The following NAT1 variants were observed in gnomAD, a reference collection of about 807,000 sequenced individuals.
The protein encoded by NAT1 is N-acetyltransferase 1.
For synonymous variants in NAT1, 144 were observed against 122.6 expected, an observed-to-expected ratio of 1.17 and a Z score of -1.16; for missense variants, 400 against 339.2, an observed-to-expected ratio of 1.18 and a Z score of -1.41.
rs1805473490 is a variant in NAT1, at chr8:18,222,765, A to G, written c.718A>G (p.Thr240Ala). ...TCACTGTTTGGTGGGCTTCACCCTC[A>G]CCCATAGGAGATTCAATTATAAGGA... ...GVHCLVGFTL[T>A]HRRFNYKDNT... Residue 240 changes from threonine (T) to alanine (A), a missense_variant, in exon 3 of 3, where the codon ACC (threonine) becomes GCC (alanine). Physicochemically the swap from Thr to Ala is moderately conservative, Grantham distance 58. Coordinates refer to ENST00000307719, the MANE Select transcript of NAT1 (RefSeq NM_000662.8). 8.1e-6 allele frequency: 13 copies of G among 1,613,592 alleles called. No homozygotes were observed. Among genetic ancestry groups the G allele is most frequent in the Non-Finnish European group, 1.1e-5 (13 of 1,179,880 alleles).
intron 1 of NAT1, among the ~76,000 whole-genome samples, chr8:18,216,301 G>T (rs1347640825): frequency 1.3e-5 from 2 of 152,094 alleles, no homozygotes; most frequent in African/African-American, 4.8e-5. Flanking sequence ...ATTTTCTATG[G>T]GTTGCCCTGA....
chr8:18,221,193 TC>T, intron 2 of NAT1, among the ~76,000 whole-genome samples: 1 of 152,320 alleles, frequency 6.6e-6, no homozygotes, highest in East Asian at 1.9e-4. Context: ...CAAGGCAGTT[TC>T]CAGCTTAAGG....
Position 18,223,093 on chromosome 8 carries a change from A to C in NAT1, c.*173A>C, listed in dbSNP as rs901797367. The stretch of plus-strand genomic sequence containing the variant: ...TAATTAAACAGCTTTTTAAAGAAAC[A>C]TAACCACAAACCTTTTCAAATAATA... On this transcript the variant is annotated 3_prime_UTR_variant, in exon 3 of 3. Coordinates refer to ENST00000307719, the MANE Select transcript of NAT1 (RefSeq NM_000662.8). 1 of 308,674 alleles carries C rather than the reference A, an allele frequency of 3.2e-6. No homozygotes were observed. The allele number at this position is 308,674 out of a possible 1,614,324, so 19.1% of individuals were successfully genotyped here. A position where few individuals can be genotyped will look rare whatever the true frequency, so the allele number is the denominator to read the frequency against.
chr8:18,178,079 G>C (rs1802360567), intron 2 of NAT1, among the ~76,000 whole-genome samples: 1 of 152,042 alleles, frequency 6.6e-6, no homozygotes, highest in Non-Finnish European at 1.5e-5. Flanking sequence ...CACATGATTG[G>C]AGTCATGGGA....
intron 2 of NAT1, among the ~76,000 whole-genome samples, chr8:18,189,755 G>T (rs1002889533): frequency 6.6e-6 from 1 of 152,100 alleles, no homozygotes; most frequent in African/African-American, 2.4e-5. Context: ...AGAGTTCTGT[G>T]GTTGTTGTTT....
At chr8:18,206,301 G>C (rs1320785859), upstream of NAT1, among the ~76,000 whole-genome samples, 1 of 152,164 alleles carries the variant, frequency 6.6e-6, no homozygotes, top group Non-Finnish European at 1.5e-5. Context: ...CCTTCTGTGT[G>C]TTCCCTCTGT....
intron 2 of NAT1, among the ~76,000 whole-genome samples, chr8:18,204,287 C>T (rs976468649): frequency 2.0e-5 from 3 of 152,124 alleles, no homozygotes; most frequent in African/African-American, 7.2e-5. Flanking sequence ...CCACACACAA[C>T]GAACGCCAGG....
intron 2 of NAT1, chr8:18,201,225 A>T (rs955843389): frequency 1.3e-5 from 2 of 152,220 alleles, no homozygotes; most frequent in African/African-American, 4.8e-5. Flanking sequence ...ATGAGTAATC[A>T]TAATTTAATG....
Position 18,222,772 on chromosome 8 carries a change from G to A in NAT1, c.725G>A (p.Arg242Lys), listed in dbSNP as rs1346325688. The change falls in exon 3 of 3, where the codon AGG (arginine) becomes AAG (lysine). Residue 242 changes from arginine (R) to lysine (K), a missense_variant. Coordinates refer to ENST00000307719, the MANE Select transcript of NAT1 (RefSeq NM_000662.8). ...TTGGTGGGCTTCACCCTCACCCATA[G>A]GAGATTCAATTATAAGGACAATACA... ...HCLVGFTLTH[R>K]RFNYKDNTDL... is the part of the protein sequence containing the mutation. The A allele has an allele frequency of 3.1e-6, 5 of 1,613,490 alleles. No individual in the cohort carries two copies. Among genetic ancestry groups the A allele is most frequent in the Non-Finnish European group, 8.5e-7 (1 of 1,179,870 alleles).
upstream of NAT1, among the ~76,000 whole-genome samples, chr8:18,209,559 T>A (rs1374349046): frequency 6.6e-6 from 1 of 152,116 alleles, no homozygotes; most frequent in East Asian, 1.9e-4. Context: ...AACACCAGCA[T>A]AAACAAAGCC....
intron 2 of NAT1, among the ~76,000 whole-genome samples, chr8:18,191,515 A>G (rs1802989516): frequency 6.6e-6 from 1 of 151,992 alleles, no homozygotes; most frequent in South Asian, 2.1e-4. Context: ...TGGAACCAAA[A>G]AAGAGCCCGC....
chr8:18,219,344 A>G (rs1234838310), intron 1 of NAT1, 67 bp from the exon 2 acceptor site: 1 of 1,104,008 alleles, frequency 9.1e-7, no homozygotes, highest in Admixed American at 2.3e-5. Flanking sequence ...ACGGTCTACA[A>G]AACTATTATT....
intron 2 of NAT1, among the ~76,000 whole-genome samples, chr8:18,183,360 G>A (rs1802599790): frequency 6.6e-6 from 1 of 152,162 alleles, no homozygotes; most frequent in Admixed American, 6.5e-5. Context: ...CATTCTGGCT[G>A]TGGTCCCCCA....
chr8:18,202,834 C>T (rs1424964221), intron 2 of NAT1, among the ~76,000 whole-genome samples: 3 of 152,158 alleles, frequency 2.0e-5, no homozygotes, highest in East Asian at 3.9e-4. Flanking sequence ...GGAAGGGGAC[C>T]CCAGCAGGTT....
At chr8:18,207,834 T>G (rs1050635207), upstream of NAT1, among the ~76,000 whole-genome samples, 1 of 152,204 alleles carries the variant, frequency 6.6e-6, no homozygotes, top group Non-Finnish European at 1.5e-5. Context: ...ATTGAAGCAC[T>G]ATTCACAATA....
intron 2 of NAT1, among the ~76,000 whole-genome samples, chr8:18,171,640 C>G (rs1802100144): frequency 6.6e-6 from 1 of 151,938 alleles, no homozygotes; most frequent in Non-Finnish European, 1.5e-5. Context: ...AAAAAAACCT[C>G]CAAAAGAAAA....
At chr8:18,196,788 GTTA>G (rs1803252502) in intron 2 of NAT1, among the ~76,000 whole-genome samples, 1 of 152,146 alleles carries the variant, frequency 6.6e-6, no homozygotes, top group South Asian at 2.1e-4. Context: ...AAAGAGGAAG[GTTA>G]TTAAAGGATA....
intron 2 of NAT1, among the ~76,000 whole-genome samples, chr8:18,198,026 G>A (rs755372174): frequency 1.8e-4 from 28 of 151,800 alleles, no homozygotes; most frequent in Non-Finnish European, 3.7e-4. Context: ...GCTAGCAAAG[G>A]CAAAAAATAA....
chr8:18,185,312 T>C (rs978694819), intron 2 of NAT1, among the ~76,000 whole-genome samples: 4 of 152,204 alleles, frequency 2.6e-5, no homozygotes, highest in South Asian at 2.1e-4. Context: ...TTTAAATTTA[T>C]AGATTCCATT....
Sources: gnomAD v4.1 joint callset for allele counts (sites outside exome capture counted in the v4.1 genomes callset) on GRCh38, gnomAD v4.1.1 for gene constraint, MANE v1.5 for transcripts, NCBI Gene and HGNC (gene_info 2026-07-23, HGNC 2026-07-21) for gene names.